CRADD: variants seen among roughly 807,000 people sequenced by gnomAD.
CRADD encodes the protein CARD and death domain containing adaptor protein.
Under a neutral mutation model 15.5 loss-of-function variants are expected in CRADD, and 9 were observed. The ratio of observed to expected loss-of-function variants is 0.58; its 90% CI spans 0.35 to 1.01. CRADD has a LOEUF of 1.01. Ranked by LOEUF, CRADD falls within the 50% of genes least tolerant of loss-of-function variation. CRADD has a pLI of 0.02. For missense variants in CRADD, 227 were observed against 250.3 expected, an observed-to-expected ratio of 0.91 and a Z score of 0.63; for synonymous variants, 118 against 107.6, an observed-to-expected ratio of 1.10 and a Z score of -0.60.
At chr12:93,711,102 T>C (rs1004559275) in intron 2 of CRADD, among the ~76,000 whole-genome samples, 3 of 147,298 alleles carry the variant, frequency 2.0e-5, no homozygotes, top group Non-Finnish European at 4.5e-5. Context: ...TATTGTGTTG[T>C]ACATGTTCCT....
chr12:93,779,784 T>C (rs1055494478), intron 2 of CRADD, among the ~76,000 whole-genome samples: 1 of 152,102 alleles, frequency 6.6e-6, no homozygotes, highest in South Asian at 2.1e-4. Context: ...AGAGAGAGTT[T>C]CACCATGTTG....
intron 2 of CRADD, among the ~76,000 whole-genome samples, chr12:93,773,813 G>GTTGT (rs1957111171): frequency 1.1e-5 from 1 of 87,550 alleles, no homozygotes; most frequent in African/African-American, 4.7e-5. Context: ...TACTTTGTGA[G>GTTGT]TTTTTTTTTT....
At chr12:93,716,546 A>C (rs1248159332) in intron 2 of CRADD, among the ~76,000 whole-genome samples, 1 of 152,126 alleles carries the variant, frequency 6.6e-6, no homozygotes, top group African/African-American at 2.4e-5. Flanking sequence ...CCCTCCTTCC[A>C]CACAACCCCT....
chr12:93,772,643 T>C (rs1201379127), intron 2 of CRADD, among the ~76,000 whole-genome samples: 1 of 152,244 alleles, frequency 6.6e-6, no homozygotes, highest in African/African-American at 2.4e-5. Flanking sequence ...AAAATTAAAA[T>C]AGTATAGTCA....
chr12:93,726,837 A>G (rs1956376307), intron 2 of CRADD, among the ~76,000 whole-genome samples: 1 of 152,188 alleles, frequency 6.6e-6, no homozygotes, highest in African/African-American at 2.4e-5. Context: ...AGAAGGGAAT[A>G]GCACTGTTGT....
At chr12:93,886,459 C>G (rs542376011) in intron 2 of CRADD, among the ~76,000 whole-genome samples, 99 of 152,286 alleles carry the variant, frequency 6.5e-4, no homozygotes, top group African/African-American at 2.3e-3. Context: ...CTGCGCCCAG[C>G]CTGCCTCTTG....
chr12:93,822,081 G>T (rs1957775312), intron 2 of CRADD, among the ~76,000 whole-genome samples: 1 of 150,300 alleles, frequency 6.7e-6, no homozygotes, highest in Non-Finnish European at 1.5e-5. Context: ...TTGCGCCACT[G>T]CACTCCAGCC....
intron 2 of CRADD, among the ~76,000 whole-genome samples, chr12:93,733,160 T>C (rs1020716124): frequency 3.3e-5 from 5 of 152,240 alleles, no homozygotes; most frequent in African/African-American, 4.8e-5. Flanking sequence ...GTTATAAAGC[T>C]AATAAATATC....
At chr12:93,735,319 A>G (rs1956546886) in intron 2 of CRADD, among the ~76,000 whole-genome samples, 1 of 152,328 alleles carries the variant, frequency 6.6e-6, no homozygotes, top group Non-Finnish European at 1.5e-5. Flanking sequence ...AAGATAGAGT[A>G]ACTCTTAAGA....
At chr12:93,684,727 G>A (rs958544646) in intron 2 of CRADD, among the ~76,000 whole-genome samples, 3 of 152,160 alleles carry the variant, frequency 2.0e-5, no homozygotes, top group African/African-American at 7.2e-5. Flanking sequence ...GGGTGGTCAG[G>A]GAAAGCCTCT....
At chr12:93,678,619 G>A in intron 1 of CRADD, 150 bp from the exon 2 acceptor site, 1 of 704,366 alleles carries the variant, frequency 1.4e-6, no homozygotes, top group East Asian at 2.8e-5. Flanking sequence ...AACCTGGCTT[G>A]GCTTAATCAG....
chr12:93,762,600 G>A (rs1391728257), intron 2 of CRADD, among the ~76,000 whole-genome samples: 2 of 152,116 alleles, frequency 1.3e-5, no homozygotes, highest in Non-Finnish European at 1.5e-5. Context: ...ACCGTTATGT[G>A]CTAATAGTTA....
chr12:93,724,694 G>A (rs540855120), intron 2 of CRADD, among the ~76,000 whole-genome samples: 1 of 152,176 alleles, frequency 6.6e-6, no homozygotes, highest in East Asian at 1.9e-4. Context: ...AAAACATAAT[G>A]TAGATAATTT....
At chr12:93,762,262 A>G (rs1007693020) in intron 2 of CRADD, among the ~76,000 whole-genome samples, 1 of 152,222 alleles carries the variant, frequency 6.6e-6, no homozygotes, top group Non-Finnish European at 1.5e-5. Context: ...GTGATTTGTC[A>G]ATAAGAATTT....
intron 2 of CRADD, among the ~76,000 whole-genome samples, chr12:93,817,187 A>G (rs1957711917): frequency 6.6e-6 from 1 of 152,072 alleles, no homozygotes; most frequent in South Asian, 2.1e-4. Context: ...ATTTGGAAGG[A>G]GGTCCATCGG....
chr12:93,823,298 C>A (rs201544748), intron 2 of CRADD, among the ~76,000 whole-genome samples: 581 of 139,346 alleles, frequency 4.2e-3, no homozygotes, highest in Middle Eastern at 7.3e-3. Flanking sequence ...GTCTCAAAAA[C>A]AAAAAAAAAA....
chr12:93,696,893 A>G (rs1415103068), intron 2 of CRADD, among the ~76,000 whole-genome samples: 10 of 152,208 alleles, frequency 6.6e-5, no homozygotes, highest in Admixed American at 1.3e-4. Context: ...GGGAGGATGT[A>G]TGCAGGTTAT....
intron 2 of CRADD, among the ~76,000 whole-genome samples, chr12:93,893,049 C>T (rs1958587923): frequency 6.6e-6 from 1 of 152,190 alleles, no homozygotes; most frequent in Non-Finnish European, 1.5e-5. Context: ...ACACATGTAG[C>T]CCTGTCCTCC....
intron 2 of CRADD, among the ~76,000 whole-genome samples, chr12:93,711,754 CTCT>C (rs1565882545): frequency 2.1e-5 from 1 of 47,790 alleles, no homozygotes; most frequent in Non-Finnish European, 5.2e-5. Context: ...CCCTCCTAGA[CTCT>C]TTTTTTTTTT....
Sources: gnomAD v4.1 joint callset for allele counts (sites outside exome capture counted in the v4.1 genomes callset) on GRCh38, gnomAD v4.1.1 for gene constraint, MANE v1.5 for transcripts, NCBI Gene and HGNC (gene_info 2026-07-23, HGNC 2026-07-21) for gene names.